Variants in PLCH1 observed in about 807,000 individuals in gnomAD.
The protein encoded by PLCH1 is phospholipase C eta 1, also known as 1-phosphatidylinositol 4,5-bisphosphate phosphodiesterase eta-1.
A neutral mutation model predicts 126.7 loss-of-function variants in PLCH1; 60 were observed. The observed-to-expected ratio is 0.47, with a 90% CI of 0.38 to 0.59. The LOEUF is 0.59. Among genes scored for constraint, PLCH1 ranks in the 20% least tolerant of loss-of-function variants. PLCH1 has a pLI of 0.00. For missense variants in PLCH1, 1,723 were observed against 2,040.0 expected (o/e 0.84, Z 2.99); for synonymous variants, 719 against 734.9 (o/e 0.98, Z 0.35).
At chr3:155,660,797 A>T (rs1742042923) in intron 2 of PLCH1, among the ~76,000 whole-genome samples, 1 of 152,228 alleles carries the variant, frequency 6.6e-6, no homozygotes, top group Non-Finnish European at 1.5e-5. Context: ...CCTTGTTGAA[A>T]AAGAAATTGA....
At chr3:155,579,283 C>T (rs925305487) in intron 6 of PLCH1, among the ~76,000 whole-genome samples, 2 of 152,156 alleles carry the variant, frequency 1.3e-5, no homozygotes, top group African/African-American at 2.4e-5. Context: ...AGTATATGTG[C>T]GGATACTTGC....
chr3:155,487,649 A>G (rs1203198799), intron 21 of PLCH1, among the ~76,000 whole-genome samples: 1 of 152,230 alleles, frequency 6.6e-6, no homozygotes, highest in Non-Finnish European at 1.5e-5. Context: ...CAGGTAACTC[A>G]TCAACCATCT....
intron 2 of PLCH1, among the ~76,000 whole-genome samples, chr3:155,610,548 G>A (rs1465421019): frequency 6.6e-6 from 1 of 151,888 alleles, no homozygotes; most frequent in Non-Finnish European, 1.5e-5. Context: ...GTAGAAACTG[G>A]GACCCTATCT....
intron 2 of PLCH1, among the ~76,000 whole-genome samples, chr3:155,672,348 A>G (rs967768270): frequency 2.0e-5 from 3 of 152,230 alleles, no homozygotes; most frequent in Non-Finnish European, 2.9e-5. Flanking sequence ...TTGCCCTCAC[A>G]GATAATTCAG....
chr3:155,738,968 T>G (rs1028771474), intron 1 of PLCH1, among the ~76,000 whole-genome samples: 4 of 152,014 alleles, frequency 2.6e-5, no homozygotes, highest in African/African-American at 9.7e-5. Flanking sequence ...CATGCTAGAC[T>G]TAGGTGTCTT....
intron 7 of PLCH1, among the ~76,000 whole-genome samples, chr3:155,567,060 GATTTT>G (rs1371816489): frequency 6.6e-6 from 1 of 151,920 alleles, no homozygotes; most frequent in East Asian, 1.9e-4. Context: ...AATGATATAA[GATTTT>G]ATTTTATTTT....
chr3:155,725,885 C>CT (rs1240765347), intron 1 of PLCH1, among the ~76,000 whole-genome samples: 6 of 152,300 alleles, frequency 3.9e-5, no homozygotes, highest in East Asian at 3.9e-4. Flanking sequence ...CTATTCTCTA[C>CT]TTTTTTCTCA....
At chr3:155,659,176 T>C (rs1022404540) in intron 2 of PLCH1, among the ~76,000 whole-genome samples, 2 of 152,082 alleles carry the variant, frequency 1.3e-5, no homozygotes, top group African/African-American at 4.8e-5. Flanking sequence ...TGGGCACAGT[T>C]AAATTCCTAG....
At chr3:155,550,824 A>C (rs1726011060) in intron 9 of PLCH1, among the ~76,000 whole-genome samples, 1 of 152,198 alleles carries the variant, frequency 6.6e-6, no homozygotes, top group Non-Finnish European at 1.5e-5. Flanking sequence ...AAATCACCTA[A>C]TATATCAATG....
At chr3:155,492,048 T>C (rs903765202) in intron 18 of PLCH1, among the ~76,000 whole-genome samples, 8 of 152,160 alleles carry the variant, frequency 5.3e-5, no homozygotes, top group African/African-American at 1.9e-4. Flanking sequence ...TTTATGGCGG[T>C]ACCAAATTGT....
At chr3:155,703,758 GC>G (rs1256385518) in intron 2 of PLCH1, among the ~76,000 whole-genome samples, 1 of 152,160 alleles carries the variant, frequency 6.6e-6, no homozygotes, top group Non-Finnish European at 1.5e-5. Context: ...AATTTGGAAG[GC>G]CATGCTATGC....
chr3:155,709,795 T>C (rs1040648822), intron 1 of PLCH1, among the ~76,000 whole-genome samples: 9 of 152,124 alleles, frequency 5.9e-5, no homozygotes, highest in Non-Finnish European at 1.0e-4. Flanking sequence ...TTTTTTGACT[T>C]TTTGCAGAGA....
intron 11 of PLCH1, among the ~76,000 whole-genome samples, 192 bp from the exon 12 acceptor site, chr3:155,515,076 T>C (rs1196837549): frequency 6.6e-6 from 1 of 152,244 alleles, no homozygotes; most frequent in African/African-American, 2.4e-5. Context: ...GATTACTATT[T>C]ATTAAGAACT....
chr3:155,723,374 G>A (rs572730600), intron 1 of PLCH1, among the ~76,000 whole-genome samples: 2 of 152,030 alleles, frequency 1.3e-5, no homozygotes, highest in South Asian at 4.2e-4. Context: ...ACAGCTTTTT[G>A]TTTCATTTAC....
At chr3:155,648,113 AAT>A (rs1740270501) in intron 2 of PLCH1, among the ~76,000 whole-genome samples, 1 of 152,246 alleles carries the variant, frequency 6.6e-6, no homozygotes. Context: ...ATGTAACTGT[AAT>A]ATAGTCATCT....
intron 2 of PLCH1, among the ~76,000 whole-genome samples, chr3:155,683,716 C>T (rs764067992): frequency 9.2e-5 from 14 of 152,144 alleles, no homozygotes; most frequent in East Asian, 3.8e-4. Context: ...GGTAGTCACA[C>T]GGGAATCTCT....
intron 1 of PLCH1, among the ~76,000 whole-genome samples, chr3:155,735,298 A>G (rs1340111274): frequency 6.6e-6 from 1 of 152,166 alleles, no homozygotes; most frequent in African/African-American, 2.4e-5. Context: ...CTATTGTACA[A>G]CATGATGACT....
intron 2 of PLCH1, among the ~76,000 whole-genome samples, chr3:155,638,386 A>G (rs1448269701): frequency 6.6e-6 from 1 of 152,202 alleles, no homozygotes; most frequent in Non-Finnish European, 1.5e-5. Context: ...CATGTTCCCC[A>G]CCAGTTTCCA....
At chr3:155,743,640 C>T (rs1449491406) in intron 1 of PLCH1, 5 of 399,960 alleles carry the variant, frequency 1.3e-5, no homozygotes, top group Non-Finnish European at 2.4e-5. Context: ...GTGACCAAAA[C>T]GCTGAGGCAA....
Sources: allele counts gnomAD v4.1 joint callset (sites outside exome capture counted in the v4.1 genomes callset), GRCh38; gene constraint gnomAD v4.1.1; transcripts MANE v1.5; gene names NCBI Gene and HGNC (gene_info 2026-07-23, HGNC 2026-07-21).